Variants in ATAD2B observed in about 807,000 individuals in gnomAD.
ATAD2B encodes the protein ATPase family AAA domain-containing protein 2B.
Under a neutral mutation model 167.6 loss-of-function variants are expected in ATAD2B, and 40 were observed. The observed-to-expected ratio is 0.24, with a 90% CI of 0.19 to 0.31. ATAD2B has a LOEUF of 0.31. ATAD2B is among the 10% of genes least tolerant of loss of function. The pLI, the probability that ATAD2B is intolerant of heterozygous loss-of-function variation, is 1.00. For synonymous variants in ATAD2B, 579 were observed against 596.5 expected (o/e 0.97, Z 0.43); for missense variants, 1,242 against 1,757.2 (o/e 0.71, Z 5.24).
the ATAD2B span, among the ~76,000 whole-genome samples, chr2:23,682,410 C>T: frequency 6.6e-6 from 1 of 152,182 alleles, no homozygotes; most frequent in African/African-American, 2.4e-5. This position sits in a 1 kb window ranked among gnomAD's most constrained non-coding sequence, Gnocchi z 4.1. Flanking sequence ...GGCTTCGAGG[C>T]TCAACTCTCT....
the ATAD2B span, among the ~76,000 whole-genome samples, chr2:23,688,012 A>G: frequency 1.3e-5 from 2 of 152,198 alleles, no homozygotes; most frequent in East Asian, 3.9e-4. Flanking sequence ...GGGTCCCGGC[A>G]AAGTCCTGCC....
chr2:23,886,647 C>G (rs1016585573), intron 4 of ATAD2B, among the ~76,000 whole-genome samples: 1 of 152,124 alleles, frequency 6.6e-6, no homozygotes, highest in Non-Finnish European at 1.5e-5. Context: ...GAAATACATG[C>G]TAGGCCGGGA....
chr2:23,745,776 A>G (rs1434937539), downstream of ATAD2B, among the ~76,000 whole-genome samples: 1 of 152,208 alleles, frequency 6.6e-6, no homozygotes, highest in African/African-American at 2.4e-5. Context: ...TCATCCAAGC[A>G]TTTACCACTG....
chr2:23,684,556 T>G, the ATAD2B span: 2 of 1,541,868 alleles, frequency 1.3e-6, no homozygotes, highest in South Asian at 2.4e-5. The surrounding 1 kb of genome is among the most constrained non-coding windows in gnomAD (Gnocchi z 4.4). Context: ...TCCTTCCAGC[T>G]GTGGTCGGGT....
At chr2:23,812,002 G>A (rs566651979) in intron 17 of ATAD2B, among the ~76,000 whole-genome samples, 26 of 152,044 alleles carry the variant, frequency 1.7e-4, no homozygotes, top group Admixed American at 1.5e-3. Flanking sequence ...TTGTAATTTC[G>A]AGATTCTACA....
intron 15 of ATAD2B, among the ~76,000 whole-genome samples, chr2:23,824,912 T>TA (rs957525318): frequency 3.9e-5 from 6 of 152,156 alleles, no homozygotes; most frequent in African/African-American, 1.4e-4. Context: ...TATTAGACCC[T>TA]AACTAAGCTT....
the ATAD2B span, chr2:23,703,571 C>A: frequency 8.9e-7 from 1 of 1,121,406 alleles, no homozygotes; most frequent in Non-Finnish European, 1.2e-6. Context: ...GCTCCAGGTT[C>A]CCCTAGGCCC....
chr2:23,745,401 G>A (rs1166550704), downstream of ATAD2B, among the ~76,000 whole-genome samples: 8 of 122,058 alleles, frequency 6.6e-5, no homozygotes, highest in African/African-American at 1.6e-4. Context: ...AGGAAGGAAG[G>A]AAGGAAGGAA....
chr2:23,825,482 T>C (rs1054574644), intron 15 of ATAD2B, among the ~76,000 whole-genome samples: 1 of 152,214 alleles, frequency 6.6e-6, no homozygotes, highest in Admixed American at 6.5e-5. Flanking sequence ...TTATTTTCTA[T>C]TTCTCAAAGA....
At chr2:23,790,728 A>G (rs1291183294) in intron 19 of ATAD2B, among the ~76,000 whole-genome samples, 1 of 152,232 alleles carries the variant, frequency 6.6e-6, no homozygotes, top group Admixed American at 6.5e-5. Flanking sequence ...TGGTTGTGAT[A>G]CATAGTATTC....
the ATAD2B span, among the ~76,000 whole-genome samples, chr2:23,716,518 T>G: frequency 2.0e-5 from 3 of 152,154 alleles, no homozygotes; most frequent in Non-Finnish European, 4.4e-5. Context: ...GGCCTCCATC[T>G]AGCACATTCA....
the ATAD2B span, among the ~76,000 whole-genome samples, chr2:23,702,431 T>TA: frequency 6.6e-6 from 1 of 152,168 alleles, no homozygotes; most frequent in African/African-American, 2.4e-5. Context: ...TGCAATCATT[T>TA]TGCACCATGA....
intron 13 of ATAD2B, among the ~76,000 whole-genome samples, chr2:23,840,592 T>C (rs1319938830): frequency 1.3e-5 from 2 of 152,228 alleles, no homozygotes; most frequent in African/African-American, 4.8e-5. Context: ...ATTACCAAAC[T>C]TTAGAAAATT....
intron 8 of ATAD2B, among the ~76,000 whole-genome samples, chr2:23,871,305 C>G (rs1695937207): frequency 6.6e-6 from 1 of 151,954 alleles, no homozygotes; most frequent in Non-Finnish European, 1.5e-5. Flanking sequence ...AAAACATTTG[C>G]CATGATCTTA....
At position 23,864,920 on chromosome 2, in the gene ATAD2B, C is replaced by T. The variant is rs1318506577; in HGVS notation, c.1193G>A (p.Arg398Gln). 15 of 1,555,450 alleles carry T rather than the reference C, an allele frequency of 9.6e-6. No individual in the cohort carries two copies. Among genetic ancestry groups the T allele is most frequent in the East Asian group, 2.3e-5 (1 of 43,042 alleles). Reference protein sequence around the residue: ...VDPMNIDKSVRFDSIGGLSHH... With the variant: ...VDPMNIDKSVQFDSIGGLSHH... ...GCTCAATCCACCTATGCTATCAAAC[C>T]GTACCTTGGAAAGAAGGGGAAAAAT... Residue 398 changes from arginine (R) to glutamine (Q), a missense_variant, in exon 11 of 28, where the codon CGG becomes CAG. Physicochemically the swap from Arg to Gln is conservative, Grantham distance 43. Transcript: ENST00000238789.
intron 17 of ATAD2B, among the ~76,000 whole-genome samples, chr2:23,817,981 ATTATC>A (rs1380201396): frequency 3.3e-5 from 5 of 152,120 alleles, no homozygotes; most frequent in African/African-American, 9.7e-5. Flanking sequence ...ATTGACGACA[ATTATC>A]TTATAAAATT....
chr2:23,867,203 C>G (rs980128046), intron 10 of ATAD2B, among the ~76,000 whole-genome samples: 1 of 152,042 alleles, frequency 6.6e-6, no homozygotes, highest in African/African-American at 2.4e-5. Context: ...ACATTTATTC[C>G]TCTTCTCATG....
At chr2:23,789,266 T>C (rs979394474) in intron 19 of ATAD2B, among the ~76,000 whole-genome samples, 8 of 152,234 alleles carry the variant, frequency 5.3e-5, no homozygotes, top group African/African-American at 1.2e-4. Context: ...TACTCAGACT[T>C]TGACCCCAGG....
intron 10 of ATAD2B, chr2:23,866,027 A>T: frequency 7.7e-6 from 4 of 522,588 alleles, no homozygotes; most frequent in Non-Finnish European, 9.8e-6. Context: ...GTGAAAGTAA[A>T]CTATTAACAG....
Sources: allele counts gnomAD v4.1 joint callset (sites outside exome capture counted in the v4.1 genomes callset), GRCh38; gene constraint gnomAD v4.1.1; non-coding constraint Gnocchi (gnomAD v3.1); transcripts MANE v1.5; gene names NCBI Gene and HGNC (gene_info 2026-07-23, HGNC 2026-07-21).